Variants in SLC5A4 observed in about 807,000 individuals in gnomAD.
The protein encoded by SLC5A4 is solute carrier family 5 member 4.
Under a neutral mutation model 70.3 loss-of-function variants are expected in SLC5A4, and 55 were observed. The ratio of observed to expected loss-of-function variants is 0.78; its 90% CI spans 0.63 to 0.98. The LOEUF (loss-of-function observed/expected upper bound fraction) is 0.98. Ranked by LOEUF, SLC5A4 falls within the 50% of genes least tolerant of loss-of-function variation. The pLI is 0.00. For synonymous variants in SLC5A4, 268 were observed against 305.7 expected (o/e 0.88, Z 1.29); for missense variants, 735 against 839.2 (o/e 0.88, Z 1.53).
At chr22:32,219,106 C>T (rs889752695) in intron 14 of SLC5A4, among the ~76,000 whole-genome samples, 1 of 152,156 alleles carries the variant, frequency 6.6e-6, no homozygotes, top group African/African-American at 2.4e-5. Context: ...CTCAAGCTCA[C>T]TCAAAAAAGA....
At chr22:32,260,482 C>T in the SLC5A4 span, among the ~76,000 whole-genome samples, 4 of 151,330 alleles carry the variant, frequency 2.6e-5, no homozygotes, top group South Asian at 8.4e-4. Flanking sequence ...ATTCCCCCAA[C>T]ACCAACCCAG....
At chr22:32,331,074 TG>T in the SLC5A4 span, among the ~76,000 whole-genome samples, 3 of 61,124 alleles carry the variant, frequency 4.9e-5, no homozygotes, top group Admixed American at 1.9e-4. Context: ...GGTGTGTATG[TG>T]TTGAAGGCTC....
chr22:32,233,087 G>C, intron 8 of SLC5A4, 53 bp from the exon 9 acceptor site: 1 of 1,578,120 alleles, frequency 6.3e-7, no homozygotes, highest in Non-Finnish European at 8.6e-7. Context: ...TGATTTCAAA[G>C]GCAGTCAGCG....
the SLC5A4 span, among the ~76,000 whole-genome samples, chr22:32,306,476 A>C: frequency 9.1e-5 from 13 of 142,972 alleles, no homozygotes; most frequent in East Asian, 2.2e-3. Context: ...AAAAAAAAAA[A>C]ACAAAAACTA....
the SLC5A4 span, among the ~76,000 whole-genome samples, chr22:32,282,846 G>A: frequency 2.6e-5 from 4 of 152,102 alleles, no homozygotes; most frequent in African/African-American, 7.2e-5. Flanking sequence ...GGAAATTGTC[G>A]TTCCATTGCC....
At chr22:32,335,148 G>C in the SLC5A4 span, among the ~76,000 whole-genome samples, 2 of 152,180 alleles carry the variant, frequency 1.3e-5, no homozygotes, top group Non-Finnish European at 2.9e-5. Flanking sequence ...AAAACCCAAG[G>C]ACACTGGGAG....
At chr22:32,261,667 C>G in the SLC5A4 span, among the ~76,000 whole-genome samples, 1 of 152,230 alleles carries the variant, frequency 6.6e-6, no homozygotes, top group Non-Finnish European at 1.5e-5. Context: ...AACTCTCCCC[C>G]AAAGCAGCAA....
chr22:32,230,665 G>A (rs1786807845), intron 10 of SLC5A4, among the ~76,000 whole-genome samples: 1 of 152,198 alleles, frequency 6.6e-6, no homozygotes, highest in African/African-American at 2.4e-5. Flanking sequence ...TAGGTCTTGT[G>A]TTTACAAGTT....
the SLC5A4 span, among the ~76,000 whole-genome samples, chr22:32,325,961 G>C: frequency 6.6e-6 from 1 of 152,198 alleles, no homozygotes; most frequent in Non-Finnish European, 1.5e-5. Flanking sequence ...GAGGAGCTGA[G>C]CCTGGAATCG....
upstream of SLC5A4, among the ~76,000 whole-genome samples, chr22:32,258,636 G>A (rs1569387027): frequency 6.6e-6 from 1 of 152,158 alleles, no homozygotes; most frequent in Non-Finnish European, 1.5e-5. Context: ...CTGTTGTTGA[G>A]GGTGCAAAAT....
chr22:32,304,284 G>A, the SLC5A4 span, among the ~76,000 whole-genome samples: 3 of 152,066 alleles, frequency 2.0e-5, no homozygotes, highest in Admixed American at 6.5e-5. Flanking sequence ...GCGCCACCAT[G>A]CATGGCTATT....
At chr22:32,272,258 G>A in the SLC5A4 span, 160 of 795,734 alleles carry the variant, frequency 2.0e-4, no homozygotes, top group African/African-American at 2.5e-3. Context: ...AGCCCAGCCA[G>A]CCCTTGACCA....
At chr22:32,312,133 A>G in the SLC5A4 span, among the ~76,000 whole-genome samples, 4 of 152,110 alleles carry the variant, frequency 2.6e-5, no homozygotes, top group African/African-American at 9.7e-5. Context: ...TTTTTGTTAC[A>G]GGAATGAATT....
At chr22:32,337,218 G>T in the SLC5A4 span, among the ~76,000 whole-genome samples, 1 of 152,188 alleles carries the variant, frequency 6.6e-6, no homozygotes, top group African/African-American at 2.4e-5. Flanking sequence ...CTGTCTGTGG[G>T]TGTCCCTGGA....
chr22:32,258,130 A>G (rs535568242), upstream of SLC5A4, among the ~76,000 whole-genome samples: 120 of 152,198 alleles, frequency 7.9e-4, no homozygotes, highest in African/African-American at 2.9e-3. Context: ...CTGGGATTAC[A>G]GGCATGCACC....
chr22:32,339,550 TTG>T, the SLC5A4 span, among the ~76,000 whole-genome samples: 61 of 152,204 alleles, frequency 4.0e-4, 1 homozygote, highest in Admixed American at 3.9e-3. Context: ...AGCGTGGGTG[TTG>T]TGTTTTTACC....
intron 5 of SLC5A4, among the ~76,000 whole-genome samples, chr22:32,239,546 A>T (rs1212633717): frequency 5.5e-4 from 7 of 12,734 alleles, no homozygotes; most frequent in African/African-American, 1.7e-3. Context: ...ATATATATAT[A>T]TATATATATA....
chr22:32,238,425 C>A (rs915427838), intron 6 of SLC5A4, among the ~76,000 whole-genome samples: 1 of 152,124 alleles, frequency 6.6e-6, no homozygotes, highest in Non-Finnish European at 1.5e-5. Flanking sequence ...TTTTTCCTTA[C>A]GTCTTCCAAC....
the SLC5A4 span, among the ~76,000 whole-genome samples, chr22:32,312,955 T>C: frequency 6.6e-6 from 1 of 152,182 alleles, no homozygotes; most frequent in East Asian, 1.9e-4. Flanking sequence ...CTTCTGAACG[T>C]TGTGAACCAT....
Sources: allele counts gnomAD v4.1 joint callset (sites outside exome capture counted in the v4.1 genomes callset), GRCh38; gene constraint gnomAD v4.1.1; transcripts MANE v1.5; gene names NCBI Gene and HGNC (gene_info 2026-07-23, HGNC 2026-07-21).